Variants in PRRX1 observed in about 807,000 individuals in gnomAD.
The protein encoded by PRRX1 is paired related homeobox 1, also known as paired mesoderm homeobox protein 1.
A neutral mutation model predicts 24.0 loss-of-function variants in PRRX1; 8 were observed. The observed-to-expected ratio is 0.33, with a 90% CI of 0.20 to 0.60. The LOEUF (loss-of-function observed/expected upper bound fraction) is 0.60, where lower values mean the gene tolerates loss of function less well. Among genes scored for constraint, PRRX1 ranks in the 20% least tolerant of loss-of-function variants. The pLI is 0.82. For synonymous variants in PRRX1, 160 were observed against 131.7 expected (o/e 1.22, Z -1.47); for missense variants, 281 against 322.4 (o/e 0.87, Z 0.98).
chr1:170,671,472 G>C (rs1056691089), intron 1 of PRRX1, among the ~76,000 whole-genome samples: 2 of 152,210 alleles, frequency 1.3e-5, no homozygotes, highest in African/African-American at 2.4e-5. Context: ...CTTTCCGCCG[G>C]GTAAATTAGC....
At chr1:170,698,466 A>C (rs1654248043) in intron 1 of PRRX1, among the ~76,000 whole-genome samples, 1 of 152,188 alleles carries the variant, frequency 6.6e-6, no homozygotes, top group South Asian at 2.1e-4. Context: ...CAATGCAAAA[A>C]GGCTTCTTCC....
Position 170,735,747 on chromosome 1 carries a change from C to CA in PRRX1, c.600-299dup, listed in dbSNP as rs1203593120. On this transcript the variant is annotated intron_variant, in intron 3 of 3. Transcript: ENST00000239461. ...TGAAACACCTGCTATTCAACTTGAG[C>CA]AACTTTCTTCTCTCACCCCAGAAAT... Among the ~76,000 whole-genome samples the CA allele has an allele frequency of 9.9e-5, 15 of 152,122 alleles. 1 individual carries two copies. The highest frequency in any genetic ancestry group is 1.5e-5 in the Non-Finnish European group (1 of 68,012).
chr1:170,706,871 G>A (rs1654586672), intron 1 of PRRX1, among the ~76,000 whole-genome samples: 1 of 152,086 alleles, frequency 6.6e-6, no homozygotes, highest in Non-Finnish European at 1.5e-5. Context: ...GCTCACACCT[G>A]TAATCTCAAC....
chr1:170,706,575 T>G (rs536014615), intron 1 of PRRX1, among the ~76,000 whole-genome samples: 2 of 152,234 alleles, frequency 1.3e-5, no homozygotes, highest in Non-Finnish European at 2.9e-5. Context: ...CCCCATTATA[T>G]AAAGTTGACT....
intron 3 of PRRX1, chr1:170,730,425 G>C: frequency 7.8e-7 from 1 of 1,277,486 alleles, no homozygotes; most frequent in South Asian, 1.2e-5. Context: ...TAAGAAAGTG[G>C]GGGTTGCAGT....
intron 1 of PRRX1, chr1:170,667,657 C>G (rs548362385): frequency 2.0e-5 from 3 of 152,192 alleles, no homozygotes; most frequent in Non-Finnish European, 4.4e-5. Flanking sequence ...GACTCTCCCC[C>G]ACCCCCAAAG....
intron 1 of PRRX1, among the ~76,000 whole-genome samples, chr1:170,714,993 T>A (rs1410753745): frequency 6.6e-6 from 1 of 152,206 alleles, no homozygotes; most frequent in African/African-American, 2.4e-5. Flanking sequence ...TTGTGTATTT[T>A]CTTGGTGGTT....
chr1:170,707,743 G>T (rs1654613564), intron 1 of PRRX1, among the ~76,000 whole-genome samples: 1 of 152,172 alleles, frequency 6.6e-6, no homozygotes, highest in Non-Finnish European at 1.5e-5. Context: ...TTTACCAATT[G>T]TTGGAAATGC....
At chr1:170,677,451 G>A (rs1384685263) in intron 1 of PRRX1, among the ~76,000 whole-genome samples, 1 of 152,164 alleles carries the variant, frequency 6.6e-6, no homozygotes, top group Non-Finnish European at 1.5e-5. Flanking sequence ...TGGGCATTTT[G>A]CTTACATTAT....
intron 1 of PRRX1, among the ~76,000 whole-genome samples, chr1:170,674,662 T>A (rs6696696): frequency 0.077 from 11,273 of 146,958 alleles, 965 homozygotes; most frequent in African/African-American, 0.22. Flanking sequence ...GTAAGCAAAT[T>A]TTTTTTTTTT....
At chr1:170,691,362 G>T (rs1273205587) in intron 1 of PRRX1, among the ~76,000 whole-genome samples, 2 of 152,004 alleles carry the variant, frequency 1.3e-5, no homozygotes, top group Non-Finnish European at 2.9e-5. Flanking sequence ...GAAACAGCTT[G>T]CTTTTATAGA....
chr1:170,679,991 T>C (rs2101890898), intron 1 of PRRX1, among the ~76,000 whole-genome samples: 1 of 152,350 alleles, frequency 6.6e-6, no homozygotes, highest in South Asian at 2.1e-4. Flanking sequence ...CCCTTTTTTC[T>C]GATGCTGATT....
intron 1 of PRRX1, among the ~76,000 whole-genome samples, chr1:170,673,075 T>C (rs1422542193): frequency 6.6e-6 from 1 of 152,216 alleles, no homozygotes; most frequent in Non-Finnish European, 1.5e-5. Context: ...TCTTTTCTGC[T>C]AATTCATTTT....
rs753642228 is a variant in PRRX1 at position 170,664,194 on chromosome 1, G to T, written c.-25G>T. The stretch of plus-strand genomic sequence containing the variant: ...TGTTGATTCGAGCGGGAAGAGGGGG[G>T]TGGGTGGGATCGGTGGGGGAGACCA... On this transcript the variant is annotated 5_prime_UTR_variant, in exon 1 of 4. Transcript: ENST00000239461. The T allele has an allele frequency of 6.2e-6, 10 of 1,600,842 alleles. No individual in the cohort carries two copies. The highest frequency in any genetic ancestry group is 8.5e-6 in the Non-Finnish European group (10 of 1,174,082).
rs1341946248 is a variant in PRRX1 at position 170,726,301 on chromosome 1, T to A, written c.499T>A (p.Ser167Thr). 2 of 1,613,952 alleles carry A rather than the reference T, an allele frequency of 1.2e-6. No homozygotes were observed. Among genetic ancestry groups the A allele is most frequent in the Non-Finnish European group, 1.7e-6 (2 of 1,179,906 alleles). Residue 167 changes from serine to threonine, a missense_variant, in exon 3 of 4, where the codon TCC becomes ACC. By Grantham distance (58) the Ser-to-Thr change is moderately conservative. Coordinates refer to ENST00000239461, the MANE Select transcript of PRRX1 (RefSeq NM_022716.4). ...CAATAAAAACGCTTCCCTCCTCAAA[T>A]CCTACTCAGGAGACGTGACTGCTGT... ...LANKNASLLK[S>T]YSGDVTAVEQ...
chr1:170,689,495 A>T (rs748248777), intron 1 of PRRX1, among the ~76,000 whole-genome samples: 4 of 152,186 alleles, frequency 2.6e-5, no homozygotes, highest in Non-Finnish European at 5.9e-5. Context: ...GCAACAATTG[A>T]GAACATTCAT....
At chr1:170,663,907 T>G, upstream of PRRX1, 3 of 335,684 alleles carry the variant, frequency 8.9e-6, no homozygotes. Context: ...TAGGGTGACT[T>G]TTTAATATTG....
At chr1:170,731,704 C>T (rs1655445411) in intron 3 of PRRX1, among the ~76,000 whole-genome samples, 1 of 152,106 alleles carries the variant, frequency 6.6e-6, no homozygotes, top group Admixed American at 6.6e-5. Context: ...AACAGTACTC[C>T]ACCTCTGCTA....
intron 1 of PRRX1, among the ~76,000 whole-genome samples, chr1:170,702,141 G>T (rs1057367974): frequency 1.3e-5 from 2 of 152,170 alleles, no homozygotes; most frequent in Admixed American, 6.5e-5. Flanking sequence ...GTTTCTACTC[G>T]TATAAGAATC....
Sources: gnomAD v4.1 joint callset for allele counts (sites outside exome capture counted in the v4.1 genomes callset) on GRCh38, gnomAD v4.1.1 for gene constraint, MANE v1.5 for transcripts, NCBI Gene and HGNC (gene_info 2026-07-23, HGNC 2026-07-21) for gene names.